Variants in PSMD14 observed in about 807,000 individuals in gnomAD.
PSMD14 encodes proteasome 26S subunit, non-ATPase 14, also known as ubiquitin C-terminal hydrolase PSMD14.
A neutral mutation model predicts 41.2 loss-of-function variants in PSMD14; 7 were observed. The ratio of observed to expected loss-of-function variants is 0.17; its 90% CI spans 0.10 to 0.32. The LOEUF is 0.32. PSMD14 is among the 10% of genes least tolerant of loss of function. The pLI is 1.00. For synonymous variants in PSMD14, 114 were observed against 122.3 expected (o/e 0.93, Z 0.45); for missense variants, 139 against 375.6 (o/e 0.37, Z 5.21).
intron 3 of PSMD14, among the ~76,000 whole-genome samples, chr2:161,355,548 CT>C (rs1330773414): frequency 1.3e-5 from 2 of 151,858 alleles, no homozygotes; most frequent in Admixed American, 1.3e-4. Context: ...TTCTTTCTTT[CT>C]TTTTGTCTTT....
At chr2:161,312,569 A>C (rs920158302) in intron 1 of PSMD14, among the ~76,000 whole-genome samples, 3 of 152,214 alleles carry the variant, frequency 2.0e-5, no homozygotes, top group Admixed American at 6.5e-5. Flanking sequence ...CCTTTTTTGT[A>C]CTATTTTTAC....
At chr2:161,396,019 A>G (rs1683788402) in intron 10 of PSMD14, among the ~76,000 whole-genome samples, 1 of 152,140 alleles carries the variant, frequency 6.6e-6, no homozygotes, top group African/African-American at 2.4e-5. Flanking sequence ...TCCAATGTCT[A>G]CTCTTGTAGT....
At chr2:161,319,576 G>T (rs1450055396) in intron 3 of PSMD14, among the ~76,000 whole-genome samples, 4 of 152,108 alleles carry the variant, frequency 2.6e-5, no homozygotes, top group Non-Finnish European at 5.9e-5. Context: ...ATTAACAAAA[G>T]AAATGACTAT....
At chr2:161,345,443 A>G (rs1024017017) in intron 3 of PSMD14, among the ~76,000 whole-genome samples, 7 of 151,696 alleles carry the variant, frequency 4.6e-5, no homozygotes, top group African/African-American at 1.7e-4. Flanking sequence ...GGGTTTCACT[A>G]TGTTGCCCAG....
In PSMD14 at chr2:161,315,177, G is replaced by A. The variant is rs1238639090; in HGVS notation, c.-137-1260G>A. On this transcript the variant is annotated intron_variant, in intron 1 of 11. Transcript: ENST00000409682. ...GTAAAGCTTGGAGACATTTTTGATT[G>A]TCACAGCTGGATAGGTGCTGCTGTT... Among the ~76,000 whole-genome samples, 3 of 152,200 alleles carry A rather than the reference G, an allele frequency of 2.0e-5. No homozygotes were observed. The East Asian group carries it at 5.8e-4, about 29-fold the overall frequency.
At chr2:161,353,598 C>T (rs1237196777) in intron 3 of PSMD14, among the ~76,000 whole-genome samples, 1 of 152,170 alleles carries the variant, frequency 6.6e-6, no homozygotes, top group East Asian at 1.9e-4. Context: ...TCTATGTATT[C>T]CCTAATTCTT....
intron 7 of PSMD14, among the ~76,000 whole-genome samples, chr2:161,379,345 A>C (rs758405789): frequency 3.3e-5 from 5 of 151,996 alleles, no homozygotes; most frequent in Non-Finnish European, 7.4e-5. Context: ...GTCACTTGTG[A>C]GTGTAGAAAC....
chr2:161,407,191 A>G (rs932808608), intron 10 of PSMD14, among the ~76,000 whole-genome samples: 1 of 152,134 alleles, frequency 6.6e-6, no homozygotes, highest in Non-Finnish European at 1.5e-5. Context: ...TGTGAAAGTA[A>G]TTTAGAAAAA....
intron 3 of PSMD14, among the ~76,000 whole-genome samples, chr2:161,344,301 G>A (rs1029019091): frequency 2.6e-5 from 4 of 152,172 alleles, no homozygotes; most frequent in African/African-American, 9.7e-5. Context: ...TCTGGAGGCT[G>A]GAAGTTGGAG....
intron 3 of PSMD14, among the ~76,000 whole-genome samples, chr2:161,346,435 CTT>C (rs1049262042): frequency 2.0e-5 from 3 of 151,572 alleles, no homozygotes; most frequent in Admixed American, 6.6e-5. Flanking sequence ...TTCTAAATGT[CTT>C]TGCTAATTTT....
chr2:161,345,230 CTG>C (rs1401884894), intron 3 of PSMD14, among the ~76,000 whole-genome samples: 3 of 134,210 alleles, frequency 2.2e-5, no homozygotes, highest in Non-Finnish European at 3.1e-5. Flanking sequence ...CTCTTGATCT[CTG>C]TGTCTTTTTT....
intron 8 of PSMD14, among the ~76,000 whole-genome samples, chr2:161,386,928 G>GT (rs1338833736): frequency 6.6e-6 from 1 of 151,806 alleles, no homozygotes; most frequent in Non-Finnish European, 1.5e-5. Context: ...TTAATAACGT[G>GT]TTTTTTCTAT....
chr2:161,314,704 T>A (rs763536300), intron 1 of PSMD14, among the ~76,000 whole-genome samples: 9 of 152,250 alleles, frequency 5.9e-5, no homozygotes, highest in Non-Finnish European at 1.3e-4. Context: ...ACTTGTAACA[T>A]GTACCAGTAA....
At position 161,367,879 on chromosome 2, in the gene PSMD14, G is replaced by A; in HGVS notation, c.216G>A (p.Val72=). 6.2e-7 allele frequency: 1 copy of A among 1,613,410 alleles called. No homozygotes were observed. The highest frequency in any genetic ancestry group is 1.3e-5 in the African/African-American group (1 of 75,018). Residue 72 remains valine (V), a synonymous_variant, in exon 5 of 12, where the codon GTG becomes GTA. Transcript: ENST00000409682. ...ATTATACCGTCAGAGTGATTGATGT[G>A]TTTGCTATGCCACAGTCAGGAACAG... The part of the protein sequence containing the change: ...VDDYTVRVID[V]FAMPQSGTGV...
intron 9 of PSMD14, among the ~76,000 whole-genome samples, chr2:161,394,172 A>G (rs748031035): frequency 6.6e-6 from 1 of 151,796 alleles, no homozygotes; most frequent in Non-Finnish European, 1.5e-5. Context: ...GGCTTTCACC[A>G]TTTTAACCAG....
intron 3 of PSMD14, chr2:161,341,166 G>A (rs975101118): frequency 1.2e-4 from 122 of 993,648 alleles, no homozygotes; most frequent in Non-Finnish European, 1.4e-4. Context: ...GGACGGCGCC[G>A]GGGCCCCGGT....
chr2:161,357,472 A>C (rs1224608175), intron 3 of PSMD14, among the ~76,000 whole-genome samples: 4 of 152,226 alleles, frequency 2.6e-5, no homozygotes, highest in African/African-American at 7.2e-5. Context: ...TAACAAACTT[A>C]TTTTCAAGAG....
chr2:161,312,800 A>G lies in PSMD14; in HGVS notation c.-137-3637A>G, dbSNP rs552856881. Among the ~76,000 whole-genome samples, 8 of 152,282 alleles carry G rather than the reference A, an allele frequency of 5.3e-5. No individual in the cohort carries two copies. The South Asian group carries it at 1.7e-3, about 32-fold the overall frequency. ...AGTGTTCCCTTTTATGTTAAGTATA[A>G]CACATTCACTTTGTGAGTCTTTCTG... On this transcript the variant is annotated intron_variant, in intron 1 of 11. Coordinates refer to ENST00000409682, the MANE Select transcript of PSMD14 (RefSeq NM_005805.6).
intron 3 of PSMD14, 103 bp from the exon 4 acceptor site, chr2:161,367,375 C>T: frequency 2.1e-6 from 2 of 949,628 alleles, no homozygotes; most frequent in Non-Finnish European, 3.1e-6. Context: ...ACATGTTTTG[C>T]AAAACTATTT....
Sources: gnomAD v4.1 joint callset for allele counts (sites outside exome capture counted in the v4.1 genomes callset) on GRCh38, gnomAD v4.1.1 for gene constraint, MANE v1.5 for transcripts, NCBI Gene and HGNC (gene_info 2026-07-23, HGNC 2026-07-21) for gene names.